Variants in USP11 observed in about 807,000 individuals in gnomAD.
USP11 encodes ubiquitin specific peptidase 11, also known as ubiquitin carboxyl-terminal hydrolase 11.
In USP11, 5 loss-of-function variants were observed where a neutral mutation model predicts 72.8. The ratio of observed to expected loss-of-function variants is 0.07; its 90% CI spans 0.04 to 0.14. The LOEUF is 0.14. Ranked by LOEUF, USP11 falls within the 10% of genes least tolerant of loss-of-function variation. The probability of loss-of-function intolerance (pLI) is 1.00; values close to 1 mark genes in which losing one functional copy is unlikely to be tolerated. For synonymous variants in USP11, 368 were observed against 326.5 expected, an observed-to-expected ratio of 1.13 and a Z score of -1.37; for missense variants, 480 against 794.7, an observed-to-expected ratio of 0.60 and a Z score of 4.76.
intron 16 of USP11, 47 bp downstream of exon 16, chrX:47,245,133 C>T (rs377743646): frequency 8.5e-6 from 10 of 1,172,116 alleles, no homozygotes; most frequent in Non-Finnish European, 1.2e-5. Context: ...TCTTGCCCCT[C>T]AACTCTTCGT....
At chrX:47,245,176 A>G in intron 16 of USP11, 90 bp downstream of exon 16, 3 of 1,084,509 alleles carry the variant, frequency 2.8e-6, no homozygotes, top group Non-Finnish European at 2.5e-6. Flanking sequence ...AGCTGGGAAC[A>G]GAGCCAAGAG....
rs1349290091 is a variant in USP11 at position 47,239,857 on chromosome X, A to G, written c.485A>G (p.Asn162Ser). 2 of 1,209,934 alleles carry G rather than the reference A, an allele frequency of 1.7e-6. No individual in the cohort carries two copies. The highest frequency in any genetic ancestry group is 1.8e-5 in the African/African-American group (1 of 57,076). ...YPVELLLVRH[N>S]DLGKSHTVQF... ...GTAGAACTGCTGCTTGTCCGGCACA[A>G]TGATTTGGGCAAATCTCACACTGTT... The change falls in exon 4 of 21, where the codon AAT (asparagine) becomes AGT (serine). Residue 162 changes from asparagine to serine, a missense_variant. Transcript: ENST00000377107.
intron 1 of USP11, among the ~76,000 whole-genome samples, chrX:47,234,359 A>G (rs933665944): frequency 8.9e-6 from 1 of 112,384 alleles, no homozygotes; most frequent in Non-Finnish European, 1.9e-5. Flanking sequence ...TATTTTAAAA[A>G]TCAATTTTTT....
Position 47,240,637 on chromosome X carries a change from G to A in USP11, c.732G>A (p.Gln244=). The A allele has an allele frequency of 1.6e-6, 2 of 1,212,258 alleles. No individual in the cohort carries two copies. The highest frequency in any genetic ancestry group is 2.2e-6 in the Non-Finnish European group (2 of 895,635). ...RKKDGTWPSA[Q]LHVMNNNMSE... The stretch of plus-strand genomic sequence containing the variant: ...AAGATGGCACTTGGCCCAGCGCACA[G>A]CTGCATGTCATGTGAGCCCTTGGGG... The change falls in exon 6 of 21, where the codon CAG becomes CAA. Residue 244 remains glutamine, a synonymous_variant. Coordinates refer to ENST00000377107, the MANE Select transcript of USP11 (RefSeq NM_001371072.1).
intron 4 of USP11, 129 bp downstream of exon 4, chrX:47,240,036 G>A (rs1449079449): frequency 2.6e-6 from 2 of 775,634 alleles, no homozygotes; most frequent in Non-Finnish European, 3.9e-6. Context: ...AGACCCAGAA[G>A]GCATTGGCTA....
chrX:47,237,775 GGTGTGTGTGTATGTGT>G (rs199730584), intron 1 of USP11, among the ~76,000 whole-genome samples: 3,798 of 98,782 alleles, frequency 0.038, 111 homozygotes, highest in African/African-American at 0.1. Flanking sequence ...CAGCAGAACA[GGTGTGTGTGTATGTGT>G]GTGTGTGTGT....
intron 12 of USP11, 32 bp downstream of exon 12, chrX:47,242,752 C>T: frequency 9.1e-7 from 1 of 1,095,852 alleles, no homozygotes; most frequent in South Asian, 1.8e-5. Flanking sequence ...GTGGTGGTTC[C>T]TCAGGAACTT....
intron 12 of USP11, among the ~76,000 whole-genome samples, 179 bp downstream of exon 12, chrX:47,242,899 C>G (rs1383091463): frequency 3.6e-5 from 4 of 112,081 alleles, no homozygotes; most frequent in South Asian, 3.7e-4. Flanking sequence ...TCACTTGAAC[C>G]CGAGAGGTTC....
Position 47,233,036 on chromosome X carries a change from G to T in USP11, c.-8G>T, listed in dbSNP as rs1489449092. On this transcript the variant is annotated 5_prime_UTR_variant, in exon 1 of 21. Transcript: ENST00000377107. Reference sequence around the variant, plus strand: ...AGCTGCGTTGGCTGTAGAAGAGAACGGACGGCGATGGCGACGGTCGCAGCA... The same window carrying T: ...AGCTGCGTTGGCTGTAGAAGAGAACTGACGGCGATGGCGACGGTCGCAGCA... 8.3e-6 allele frequency: 10 copies of T among 1,211,487 alleles called. No homozygotes were observed. The highest frequency in any genetic ancestry group is 1.0e-5 in the Non-Finnish European group (9 of 895,316).
chrX:47,242,480 A>G lies in USP11; in HGVS notation c.1446A>G (p.Leu482=), dbSNP rs535835119. ...VVPKKGKISD[L]CVALSKHTGI... is the part of the protein sequence containing the mutation. ...CCAAGAAAGGCAAGATCTCGGATCT[A>G]TGTGTGGCTCTGTCCAAACACACGG... Residue 482 remains leucine, a synonymous_variant, in exon 11 of 21, where the codon CTA becomes CTG. Transcript: ENST00000377107. 53 of 1,210,097 alleles carry G rather than the reference A, an allele frequency of 4.4e-5. No homozygotes were observed. The highest frequency in any genetic ancestry group is 3.5e-4 in the South Asian group (20 of 56,844).
rs143527670 is a variant in USP11, at chrX:47,244,534, C to T, written c.1827C>T (p.Asp609=). The T allele has an allele frequency of 9.9e-6, 12 of 1,210,855 alleles. No individual in the cohort carries two copies. Among genetic ancestry groups the T allele is most frequent in the Admixed American group, 2.2e-5 (1 of 45,933 alleles). The part of the protein sequence containing the change: ...YVTKPNSDDE[D]DGDEKEDDEE... Reference sequence around the variant, plus strand: ...CCAAACCCAACTCAGATGATGAGGACGATGGGGATGAGAAAGGTGAGGGGG... The same window carrying T: ...CCAAACCCAACTCAGATGATGAGGATGATGGGGATGAGAAAGGTGAGGGGG... Residue 609 remains aspartate (D), a synonymous_variant, in exon 14 of 21, where the codon GAC becomes GAT. Transcript: ENST00000377107.
Position 47,244,910 on chromosome X carries a change from C to G in USP11, c.2072C>G (p.Pro691Arg), listed in dbSNP as rs1263996984. The part of the protein sequence containing the change: ...SNGTSDRTTS[P>R]EEVHAQPYIA... ...GGGACCAGCGACCGCACAACCTCCC[C>G]TGAAGAAGTCCATGGTATTTCCTTT... The change falls in exon 15 of 21, where the codon CCT becomes CGT. Residue 691 changes from proline (P) to arginine (R), a missense_variant. By Grantham distance (103) the Pro-to-Arg change is moderately radical (BLOSUM62 -2). Around this residue, in one of 5 missense-constraint regions of USP11, gnomAD observed 314 missense variants for 556.0 expected, o/e 0.56. Coordinates refer to ENST00000377107, the MANE Select transcript of USP11 (RefSeq NM_001371072.1). 2 of 1,210,188 alleles carry G rather than the reference C, an allele frequency of 1.7e-6. No individual in the cohort carries two copies. The highest frequency in any genetic ancestry group is 1.7e-5 in the African/African-American group (1 of 57,236).
intron 1 of USP11, among the ~76,000 whole-genome samples, chrX:47,235,029 TTAAA>T (rs746461144): frequency 4.5e-4 from 50 of 112,109 alleles, no homozygotes; most frequent in Non-Finnish European, 8.1e-4. Flanking sequence ...AGTTTAAAAA[TTAAA>T]TAATAAATAA....
intron 13 of USP11, 128 bp downstream of exon 13, chrX:47,243,730 G>T: frequency 4.5e-6 from 3 of 671,657 alleles, no homozygotes; most frequent in South Asian, 2.8e-5. Context: ...GGCCATAGAA[G>T]AACTTGTAGG....
Position 47,245,441 on chromosome X carries a change from G to A in USP11, c.2229G>A (p.Glu743=). Residue 743 remains glutamate (E), a synonymous_variant, in exon 17 of 21, where the codon GAG becomes GAA. Transcript: ENST00000377107. ...CCGTGCGGCTGCAGGAGTGCATTGA[G>A]CTCTTCACCACTGTGGAGACCCTGG... ...KAPVRLQECI[E]LFTTVETLEK... 17 of 1,211,533 alleles carry A rather than the reference G, an allele frequency of 1.4e-5. No homozygotes were observed. The highest frequency in any genetic ancestry group is 3.0e-5 in the East Asian group (1 of 33,856).
At chrX:47,237,889 C>T (rs2055381710) in intron 1 of USP11, among the ~76,000 whole-genome samples, 2 of 108,626 alleles carry the variant, frequency 1.8e-5, no homozygotes, top group Admixed American at 1.0e-4. Context: ...TCCAAGCTGT[C>T]AGAACAATGA....
chrX:47,246,239 A>G (rs1248398431), intron 17 of USP11, among the ~76,000 whole-genome samples: 2 of 112,365 alleles, frequency 1.8e-5, no homozygotes, highest in African/African-American at 6.5e-5. Context: ...GTGAAGACTT[A>G]AGTTCACTGT....
chrX:47,236,647 TAAAG>T (rs1439410108), intron 1 of USP11, among the ~76,000 whole-genome samples: 8 of 112,126 alleles, frequency 7.1e-5, no homozygotes, highest in Non-Finnish European at 1.3e-4. Context: ...AGACAGAAAA[TAAAG>T]AATTGTTTAG....
At position 47,239,087 on chromosome X, in the gene USP11, A is replaced by G; in HGVS notation, c.194A>G (p.His65Arg). 8.3e-7 allele frequency: 1 copy of G among 1,209,833 alleles called. No individual in the cohort carries two copies. Among genetic ancestry groups the G allele is most frequent in the Non-Finnish European group, 1.1e-6 (1 of 894,556 alleles). ...AGESWFLVEK[H>R]WYKQWEAYVQ... is the part of the protein sequence containing the mutation. Reference sequence around the variant, plus strand: ...GGCCCCAGGTTCCTTGTGGAGAAGCACTGGTATAAGCAGTGGGAGGCATAC... The same window carrying G: ...GGCCCCAGGTTCCTTGTGGAGAAGCGCTGGTATAAGCAGTGGGAGGCATAC... The change falls in exon 2 of 21, where the codon CAC becomes CGC. Residue 65 changes from histidine (H) to arginine (R), a missense_variant. His to Arg is a conservative substitution (Grantham distance 29). Coordinates refer to ENST00000377107, the MANE Select transcript of USP11 (RefSeq NM_001371072.1).
Sources: allele counts gnomAD v4.1 joint callset (sites outside exome capture counted in the v4.1 genomes callset), GRCh38; gene constraint gnomAD v4.1.1; regional missense constraint gnomAD v4.1.1; transcripts MANE v1.5; gene names NCBI Gene and HGNC (gene_info 2026-07-23, HGNC 2026-07-21).